The following KCNK9 variants were observed in gnomAD, a reference collection of about 807,000 sequenced individuals.
KCNK9 encodes the protein potassium channel subfamily K member 9.
A neutral mutation model predicts 10.8 loss-of-function variants in KCNK9; 1 was observed. The ratio of observed to expected loss-of-function variants is 0.09; its 90% CI spans 0.03 to 0.44. The LOEUF (loss-of-function observed/expected upper bound fraction) is 0.44. Among genes scored for constraint, KCNK9 ranks in the 20% least tolerant of loss-of-function variants. KCNK9 has a pLI of 0.97. For synonymous variants in KCNK9, 231 were observed against 222.7 expected (o/e 1.04, Z -0.33); for missense variants, 303 against 515.0 (o/e 0.59, Z 3.98).
chr8:139,656,706 C>T (rs1285560650), intron 1 of KCNK9, among the ~76,000 whole-genome samples: 3 of 152,208 alleles, frequency 2.0e-5, no homozygotes, highest in African/African-American at 7.2e-5. Context: ...CTTCAATGAC[C>T]ATGGTTGTCT....
intron 1 of KCNK9, among the ~76,000 whole-genome samples, chr8:139,687,001 T>C (rs1440193066): frequency 6.6e-6 from 1 of 151,958 alleles, no homozygotes; most frequent in East Asian, 1.9e-4. Flanking sequence ...TAAATAAACC[T>C]AAAGAATGCA....
At chr8:139,656,953 G>A (rs1209548998) in intron 1 of KCNK9, among the ~76,000 whole-genome samples, 1 of 152,122 alleles carries the variant, frequency 6.6e-6, no homozygotes, top group Admixed American at 6.5e-5. Flanking sequence ...CCCCAGTGCA[G>A]CCTCACCCCC....
intron 1 of KCNK9, among the ~76,000 whole-genome samples, chr8:139,642,652 C>T (rs964643458): frequency 2.6e-5 from 4 of 152,234 alleles, no homozygotes; most frequent in African/African-American, 9.6e-5. Flanking sequence ...CAGTGGGGAG[C>T]AGCCACTTCC....
intron 1 of KCNK9, among the ~76,000 whole-genome samples, chr8:139,644,425 C>T (rs1282660900): frequency 9.2e-5 from 14 of 152,206 alleles, no homozygotes; most frequent in African/African-American, 3.1e-4. Flanking sequence ...TTTCATGACC[C>T]ATTAATGGAT....
intron 1 of KCNK9, among the ~76,000 whole-genome samples, chr8:139,684,399 C>T (rs957503295): frequency 2.6e-5 from 4 of 152,186 alleles, no homozygotes; most frequent in African/African-American, 4.8e-5. Flanking sequence ...GGTCAGTATA[C>T]ACCCATATTT....
intron 1 of KCNK9, among the ~76,000 whole-genome samples, chr8:139,630,715 A>G (rs537856815): frequency 2.0e-5 from 3 of 152,268 alleles, no homozygotes; most frequent in Non-Finnish European, 4.4e-5. Flanking sequence ...GCCTTCTCCT[A>G]TGAAAGGGCC....
At chr8:139,631,219 C>T (rs1051216930) in intron 1 of KCNK9, among the ~76,000 whole-genome samples, 2 of 152,268 alleles carry the variant, frequency 1.3e-5, no homozygotes, top group African/African-American at 4.8e-5. Context: ...AAGCTGCCAT[C>T]CATCAGTGGC....
At chr8:139,646,998 C>T (rs1165737887) in intron 1 of KCNK9, among the ~76,000 whole-genome samples, 3 of 152,252 alleles carry the variant, frequency 2.0e-5, no homozygotes, top group Non-Finnish European at 4.4e-5. Flanking sequence ...GTGCAGTGCA[C>T]ACAAAGGTGG....
At chr8:139,644,610 AG>A (rs1434415714) in intron 1 of KCNK9, among the ~76,000 whole-genome samples, 1 of 152,088 alleles carries the variant, frequency 6.6e-6, no homozygotes, top group African/African-American at 2.4e-5. Context: ...AGGTTCTAGG[AG>A]CCCACGCGGT....
At chr8:139,626,125 A>T (rs541944099) in intron 1 of KCNK9, among the ~76,000 whole-genome samples, 31 of 152,258 alleles carry the variant, frequency 2.0e-4, no homozygotes, top group Non-Finnish European at 3.8e-4. Flanking sequence ...GGAAAAAGGC[A>T]AATAGGGCAG....
chr8:139,601,194 A>C (rs1220873620), exon 3 of KCNK9: 1 of 152,174 alleles, frequency 6.6e-6, no homozygotes, highest in Non-Finnish European at 1.5e-5. Flanking sequence ...GACTCATTTG[A>C]GTTGCGAGGC....
intron 1 of KCNK9, among the ~76,000 whole-genome samples, chr8:139,646,514 T>C (rs894707584): frequency 5.9e-5 from 9 of 152,222 alleles, no homozygotes; most frequent in Non-Finnish European, 1.0e-4. Context: ...ACCCGAGCAA[T>C]ACTTTTCATC....
intron 1 of KCNK9, among the ~76,000 whole-genome samples, chr8:139,648,804 C>T (rs1435440045): frequency 3.3e-5 from 5 of 152,222 alleles, no homozygotes; most frequent in African/African-American, 4.8e-5. Context: ...GCCAATGACA[C>T]GTGCCGTGGG....
At chr8:139,602,096 C>T (rs973056698) in intron 2 of KCNK9, 2 of 152,322 alleles carry the variant, frequency 1.3e-5, no homozygotes, top group Non-Finnish European at 2.9e-5. Flanking sequence ...CCTGGAGGGT[C>T]TCACACAGTT....
chr8:139,687,650 A>ATTCATATGTATACATATG (rs1816846420), intron 1 of KCNK9, among the ~76,000 whole-genome samples: 1 of 110,374 alleles, frequency 9.1e-6, no homozygotes. Flanking sequence ...GTATACATAT[A>ATTCATATGTATACATATG]TATTCATATG....
chr8:139,603,276 G>A (rs568230408), intron 2 of KCNK9, among the ~76,000 whole-genome samples: 18 of 152,160 alleles, frequency 1.2e-4, no homozygotes, highest in African/African-American at 1.7e-4. Flanking sequence ...ACAAGCACCC[G>A]TGTGTTTGGA....
At chr8:139,660,010 T>C (rs948504353) in intron 1 of KCNK9, among the ~76,000 whole-genome samples, 2 of 151,940 alleles carry the variant, frequency 1.3e-5, no homozygotes, top group African/African-American at 4.8e-5. Flanking sequence ...AAGAACAGAG[T>C]GGGGTGGGAG....
chr8:139,628,447 C>T (rs1487671983), intron 1 of KCNK9, among the ~76,000 whole-genome samples: 1 of 152,230 alleles, frequency 6.6e-6, no homozygotes, highest in African/African-American at 2.4e-5. Context: ...GAACTTGAGC[C>T]CCAGGCCCTG....
chr8:139,690,109 C>G (rs957515434), intron 1 of KCNK9, among the ~76,000 whole-genome samples: 1 of 152,176 alleles, frequency 6.6e-6, no homozygotes, highest in African/African-American at 2.4e-5. Flanking sequence ...TTGTTACATA[C>G]ACATCACTAG....
Sources: gnomAD v4.1 joint callset for allele counts (sites outside exome capture counted in the v4.1 genomes callset) on GRCh38, gnomAD v4.1.1 for gene constraint, MANE v1.5 for transcripts, NCBI Gene and HGNC (gene_info 2026-07-23, HGNC 2026-07-21) for gene names.